Variants in CHCHD3 observed in about 807,000 individuals in gnomAD.
CHCHD3 encodes the protein coiled-coil-helix-coiled-coil-helix domain containing 3, also known as MICOS complex subunit MIC19.
CHCHD3 carries 20 observed loss-of-function variants against 38.2 expected under a neutral mutation model. The ratio of observed to expected loss-of-function variants is 0.52; its 90% confidence interval spans 0.37 to 0.76. The LOEUF (loss-of-function observed/expected upper bound fraction) is 0.76, where lower values mean the gene tolerates loss of function less well. Among genes scored for constraint, CHCHD3 ranks in the 30% least tolerant of loss-of-function variants. CHCHD3 has a pLI of 0.00. For missense variants in CHCHD3, 245 were observed against 279.2 expected (o/e 0.88, Z 0.87); for synonymous variants, 82 against 100.0 (o/e 0.82, Z 1.07).
chr7:133,036,143 ACC>A (rs1044293952), intron 2 of CHCHD3, among the ~76,000 whole-genome samples: 7 of 152,018 alleles, frequency 4.6e-5, no homozygotes, highest in African/African-American at 7.3e-5. Context: ...TCACCCCATG[ACC>A]CCTTTCCCAT....
At chr7:132,786,669 C>T (rs761893997) in intron 7 of CHCHD3, among the ~76,000 whole-genome samples, 8 of 152,176 alleles carry the variant, frequency 5.3e-5, no homozygotes, top group Non-Finnish European at 8.8e-5. Flanking sequence ...CCCGCCAACC[C>T]GCACCCTTCC....
chr7:133,022,174 G>T (rs936667555), intron 3 of CHCHD3, among the ~76,000 whole-genome samples: 1 of 152,116 alleles, frequency 6.6e-6, no homozygotes, highest in South Asian at 2.1e-4. Flanking sequence ...TATCACAATC[G>T]AAATTAATTA....
chr7:133,047,336 C>T (rs1356683218), intron 2 of CHCHD3, among the ~76,000 whole-genome samples: 1 of 152,150 alleles, frequency 6.6e-6, no homozygotes, highest in East Asian at 1.9e-4. Flanking sequence ...GCCAAAATGA[C>T]AACCCAGATA....
chr7:132,786,433 C>T (rs1453961866), intron 7 of CHCHD3, among the ~76,000 whole-genome samples: 4 of 152,132 alleles, frequency 2.6e-5, no homozygotes, highest in African/African-American at 9.7e-5. Flanking sequence ...CAGAAATGGT[C>T]CCTACATTCT....
intron 4 of CHCHD3, among the ~76,000 whole-genome samples, chr7:132,902,792 A>G (rs1022797531): frequency 1.3e-5 from 2 of 152,212 alleles, no homozygotes; most frequent in African/African-American, 4.8e-5. Flanking sequence ...CGTTGTGCAC[A>G]TGTACCCTAG....
At chr7:133,013,645 T>C (rs1812944609) in intron 3 of CHCHD3, among the ~76,000 whole-genome samples, 1 of 152,176 alleles carries the variant, frequency 6.6e-6, no homozygotes, top group Admixed American at 6.5e-5. Context: ...CTTGAATCTA[T>C]ATATGCTGAC....
intron 4 of CHCHD3, among the ~76,000 whole-genome samples, chr7:132,909,021 C>T (rs1809869387): frequency 6.6e-6 from 1 of 151,916 alleles, no homozygotes; most frequent in African/African-American, 2.4e-5. Flanking sequence ...GGCAGTTATC[C>T]CCATGCTGTT....
At chr7:133,040,486 G>A (rs900487078) in intron 2 of CHCHD3, among the ~76,000 whole-genome samples, 8 of 152,068 alleles carry the variant, frequency 5.3e-5, no homozygotes, top group African/African-American at 1.9e-4. Context: ...GGCTGCAACA[G>A]ACCTGAATAA....
At chr7:133,049,240 C>A (rs1024308868) in intron 2 of CHCHD3, among the ~76,000 whole-genome samples, 37 of 152,104 alleles carry the variant, frequency 2.4e-4, no homozygotes, top group Non-Finnish European at 5.9e-5. Context: ...AACACAAGGA[C>A]AATCTGTTAT....
At chr7:132,892,365 C>A (rs1809382899) in intron 4 of CHCHD3, among the ~76,000 whole-genome samples, 1 of 152,172 alleles carries the variant, frequency 6.6e-6, no homozygotes, top group African/African-American at 2.4e-5. Flanking sequence ...TGCCCCTACC[C>A]TAGAGAACTG....
At chr7:132,964,563 C>T (rs1457680339) in intron 4 of CHCHD3, among the ~76,000 whole-genome samples, 1 of 152,186 alleles carries the variant, frequency 6.6e-6, no homozygotes, top group African/African-American at 2.4e-5. Context: ...GCCTAGACAA[C>T]AGGGTGAGAC....
chr7:132,820,808 G>A (rs933579443), intron 6 of CHCHD3, among the ~76,000 whole-genome samples: 2 of 151,900 alleles, frequency 1.3e-5, no homozygotes, highest in African/African-American at 4.8e-5. Context: ...AATCTTGTTT[G>A]TTCAGTATAC....
In CHCHD3 at chr7:132,842,755, T is replaced by C. The variant is rs148290436; in HGVS notation, c.454-4286A>G. Among the ~76,000 whole-genome samples the C allele has an allele frequency of 7.2e-5, 11 of 152,172 alleles. No individual in the cohort carries two copies. In the East Asian group the frequency reaches 1.9e-3, roughly 27 times the overall value. ...ACTGGGAAGAATTCTACAGAAGCAA[T>C]ATGCCTTTCTCCTGCCTGATTTCAG... On this transcript the variant is annotated intron_variant, in intron 5 of 7. Transcript: ENST00000262570.
chr7:132,961,672 T>C (rs1811324708), intron 4 of CHCHD3, among the ~76,000 whole-genome samples: 1 of 152,144 alleles, frequency 6.6e-6, no homozygotes, highest in Non-Finnish European at 1.5e-5. Context: ...TACAATAGAG[T>C]ATTATTAAAA....
chr7:132,786,863 C>A (rs1357261356), intron 7 of CHCHD3, among the ~76,000 whole-genome samples: 1 of 152,150 alleles, frequency 6.6e-6, no homozygotes, highest in Admixed American at 6.5e-5. Flanking sequence ...TAACAGGAAC[C>A]AAATAGTATC....
chr7:133,034,600 G>C, intron 2 of CHCHD3: 1 of 1,429,518 alleles, frequency 7.0e-7, no homozygotes, highest in Non-Finnish European at 9.4e-7. Context: ...GTGATGGCAA[G>C]AGATGTTCAC....
At chr7:132,931,567 C>G (rs1288927268) in intron 4 of CHCHD3, among the ~76,000 whole-genome samples, 1 of 152,108 alleles carries the variant, frequency 6.6e-6, no homozygotes, top group Non-Finnish European at 1.5e-5. Flanking sequence ...AAATGCAGTA[C>G]TTTTTAGCCT....
At chr7:133,008,020 G>C (rs983559241) in intron 3 of CHCHD3, among the ~76,000 whole-genome samples, 1 of 152,146 alleles carries the variant, frequency 6.6e-6, no homozygotes, top group African/African-American at 2.4e-5. Context: ...TATCTGTTAT[G>C]TTGGGGGAAA....
At chr7:132,886,063 G>A (rs1251176017) in intron 4 of CHCHD3, among the ~76,000 whole-genome samples, 2 of 151,936 alleles carry the variant, frequency 1.3e-5, no homozygotes, top group Non-Finnish European at 2.9e-5. Context: ...TTAATATTTT[G>A]TACAATGAAA....
Sources: allele counts gnomAD v4.1 joint callset (sites outside exome capture counted in the v4.1 genomes callset), GRCh38; gene constraint gnomAD v4.1.1; transcripts MANE v1.5; gene names NCBI Gene and HGNC (gene_info 2026-07-23, HGNC 2026-07-21).